SEPTIN9: variants seen among roughly 807,000 people sequenced by gnomAD.
SEPTIN9 encodes septin 9.
Under a neutral mutation model 56.6 loss-of-function variants are expected in SEPTIN9, and 13 were observed. The observed-to-expected ratio is 0.23, with a 90% CI of 0.15 to 0.37. The LOEUF is 0.37. Ranked by LOEUF, SEPTIN9 falls within the 10% of genes least tolerant of loss-of-function variation. The pLI is 1.00. For synonymous variants in SEPTIN9, 332 were observed against 334.1 expected, an observed-to-expected ratio of 0.99 and a Z score of 0.07; for missense variants, 650 against 823.1, an observed-to-expected ratio of 0.79 and a Z score of 2.57.
At chr17:77,350,341 T>A (rs564452100) in intron 2 of SEPTIN9, among the ~76,000 whole-genome samples, 18 of 152,220 alleles carry the variant, frequency 1.2e-4, no homozygotes, top group Non-Finnish European at 2.5e-4. Flanking sequence ...AAACTCACCC[T>A]TCTCTCTGTT....
intron 3 of SEPTIN9, among the ~76,000 whole-genome samples, chr17:77,426,564 C>G (rs1486985909): frequency 6.6e-6 from 1 of 152,154 alleles, no homozygotes; most frequent in African/African-American, 2.4e-5. Flanking sequence ...CCTGGCTGCT[C>G]CTGGAACATG....
rs1015058241 is a variant in SEPTIN9, at chr17:77,450,287, G to A, written c.722-31857G>A. Among the ~76,000 whole-genome samples, 2 of 152,154 alleles carry A rather than the reference G, an allele frequency of 1.3e-5. No individual in the cohort carries two copies. Among genetic ancestry groups the A allele is most frequent in the African/African-American group, 2.4e-5 (1 of 41,430 alleles). On this transcript the variant is annotated intron_variant, in intron 3 of 11. Coordinates refer to ENST00000427177, the MANE Select transcript of SEPTIN9 (RefSeq NM_001113491.2). The surrounding 1 kb of genome is among the most constrained non-coding windows in gnomAD (Gnocchi z 6.0). ...GCTTCAGTCACCCCCAGCCACGTGT[G>A]GGGGTGCGGGATGGGAAAGGTAAGA...
intron 2 of SEPTIN9, among the ~76,000 whole-genome samples, chr17:77,351,508 C>T (rs2034064606): frequency 6.6e-6 from 1 of 152,214 alleles, no homozygotes. Context: ...ACGTCTGCAG[C>T]TCTGGGCATC....
rs549947723 is a variant in SEPTIN9, at chr17:77,367,017, T to A, written c.77-35042T>A. On this transcript the variant is annotated intron_variant, in intron 2 of 11. Coordinates refer to ENST00000427177, the MANE Select transcript of SEPTIN9 (RefSeq NM_001113491.2). The surrounding 1 kb of genome is among the most constrained non-coding windows in gnomAD (Gnocchi z 4.5). ...GCAGGCTGGGGGGATCACTGGGAAG[T>A]CTGGGGAACAGATTGGTCATGTGCT... 3.7e-4 allele frequency among the ~76,000 whole-genome samples: 56 copies of A among 152,300 alleles called. No individual in the cohort carries two copies. Among genetic ancestry groups the A allele is most frequent in the Admixed American group, 7.2e-4 (11 of 15,300 alleles).
At chr17:77,290,952 AC>A (rs1387354986) in intron 1 of SEPTIN9, among the ~76,000 whole-genome samples, 1 of 148,566 alleles carries the variant, frequency 6.7e-6, no homozygotes, top group Non-Finnish European at 1.5e-5. Flanking sequence ...CCCAGTCTCG[AC>A]CTCCCAGTTT....
chr17:77,305,879 G>A lies in SEPTIN9; in HGVS notation c.20-1262G>A, dbSNP rs74255243. 8.2e-4 allele frequency among the ~76,000 whole-genome samples: 110 copies of A among 134,046 alleles called. 1 individual carries two copies. The East Asian group carries it at 0.022, about 27-fold the overall frequency. 87.9% of individuals were successfully genotyped at this position (134,046 alleles called of 152,430 possible). A position where few individuals can be genotyped will look rare whatever the true frequency, so the allele number is the denominator to read the frequency against. On this transcript the variant is annotated intron_variant, in intron 1 of 11. Transcript: ENST00000427177. ...AGTTTAGGAGTGGGGTTGTGGAATG[G>A]ATGGAAGGAAGGATGAGTGGGTGGG... is the stretch of plus-strand genomic sequence containing the variant.
At chr17:77,355,270 T>A (rs1423009557) in intron 2 of SEPTIN9, among the ~76,000 whole-genome samples, 1 of 152,142 alleles carries the variant, frequency 6.6e-6, no homozygotes, top group Non-Finnish European at 1.5e-5. Flanking sequence ...CCTTGAATGG[T>A]GTCTGCGCCG....
chr17:77,290,185 A>G (rs1051243465), intron 1 of SEPTIN9, among the ~76,000 whole-genome samples: 3 of 151,880 alleles, frequency 2.0e-5, no homozygotes, highest in Non-Finnish European at 2.9e-5. Flanking sequence ...TACAGTAGCC[A>G]TGCTTATAGC....
intron 2 of SEPTIN9, among the ~76,000 whole-genome samples, chr17:77,331,828 G>T (rs891687089): frequency 6.6e-6 from 1 of 152,242 alleles, no homozygotes; most frequent in Non-Finnish European, 1.5e-5. Flanking sequence ...TGTCCTAACT[G>T]GGCGGGGAAA....
chr17:77,297,430 G>A (rs568529387), intron 1 of SEPTIN9, among the ~76,000 whole-genome samples: 77 of 152,120 alleles, frequency 5.1e-4, no homozygotes, highest in Non-Finnish European at 9.6e-4. Flanking sequence ...CAACTCACAT[G>A]CCCATCTCCT....
In SEPTIN9 at chr17:77,307,123, C is replaced by T; in HGVS notation, c.20-18C>T. 6.2e-7 allele frequency: 1 copy of T among 1,613,694 alleles called. No homozygotes were observed. The highest frequency in any genetic ancestry group is 8.5e-7 in the Non-Finnish European group (1 of 1,179,634). The stretch of plus-strand genomic sequence containing the variant: ...CCAGTGGCCTTGTGTGACCTTTGCC[C>T]TTTGTCTCTGTCTTTAGGAGGCACG... On this transcript the variant is annotated intron_variant, in intron 1 of 11. Coordinates refer to ENST00000427177, the MANE Select transcript of SEPTIN9 (RefSeq NM_001113491.2).
chr17:77,383,844 C>G (rs72896155), intron 2 of SEPTIN9, among the ~76,000 whole-genome samples: 2,866 of 152,356 alleles, frequency 0.019, 41 homozygotes, highest in Middle Eastern at 0.044. Flanking sequence ...CTTGCCCACA[C>G]GGCAATGTGG....
chr17:77,378,822 C>A (rs933969203), intron 2 of SEPTIN9, among the ~76,000 whole-genome samples: 1 of 152,116 alleles, frequency 6.6e-6, no homozygotes, highest in African/African-American at 2.4e-5. Context: ...TTGTCCTGGT[C>A]TTCCCTGCCA....
At chr17:77,472,064 T>C (rs182592) in intron 3 of SEPTIN9, among the ~76,000 whole-genome samples, 19,779 of 151,924 alleles carry the variant, frequency 0.13, 3,345 homozygotes, top group African/African-American at 0.39. Flanking sequence ...AAGTGAATGG[T>C]GATGGTTTGC....
rs1002491571 is a variant in SEPTIN9, at chr17:77,326,477, C to G, written c.76+19280C>G. Among the ~76,000 whole-genome samples the G allele has an allele frequency of 3.3e-5, 5 of 152,188 alleles. No homozygotes were observed. Among genetic ancestry groups the G allele is most frequent in the Non-Finnish European group, 5.9e-5 (4 of 68,030 alleles). On this transcript the variant is annotated intron_variant, in intron 2 of 11. Coordinates refer to ENST00000427177, the MANE Select transcript of SEPTIN9 (RefSeq NM_001113491.2). The surrounding 1 kb of genome is among the most constrained non-coding windows in gnomAD (Gnocchi z 5.1). ...AGAAGGATGAGGGGAGTAAACCAGG[C>G]TCAAACCCAGCAGGCAGAGGCGATC...
At chr17:77,358,488 G>A (rs2034322150) in intron 2 of SEPTIN9, among the ~76,000 whole-genome samples, 1 of 151,968 alleles carries the variant, frequency 6.6e-6, no homozygotes, top group South Asian at 2.1e-4. Flanking sequence ...AGACATGGTG[G>A]CGTGCACCTG....
intron 3 of SEPTIN9, among the ~76,000 whole-genome samples, chr17:77,448,130 T>C (rs549094493): frequency 6.6e-6 from 1 of 152,118 alleles, no homozygotes; most frequent in Non-Finnish European, 1.5e-5. Flanking sequence ...CATAATATGG[T>C]CCAAATCAAC....
intron 2 of SEPTIN9, among the ~76,000 whole-genome samples, chr17:77,395,004 G>A (rs1368863225): frequency 6.6e-6 from 1 of 152,132 alleles, no homozygotes; most frequent in East Asian, 1.9e-4. Flanking sequence ...AGGTGGGGAT[G>A]GGGATGGGCC....
Position 77,363,834 on chromosome 17 carries a change from C to T in SEPTIN9, c.77-38225C>T, listed in dbSNP as rs539581217. 2.0e-5 allele frequency among the ~76,000 whole-genome samples: 3 copies of T among 152,284 alleles called. No individual in the cohort carries two copies. In the East Asian group the frequency reaches 5.8e-4, roughly 29 times the overall value. ...GAGCAGCCTTAGGAGTCCCCAGTTA[C>T]AGACACTCCAGGGGGTCCGTGTGGC... On this transcript the variant is annotated intron_variant, in intron 2 of 11. Coordinates refer to ENST00000427177, the MANE Select transcript of SEPTIN9 (RefSeq NM_001113491.2).
Sources: gnomAD v4.1 joint callset for allele counts (sites outside exome capture counted in the v4.1 genomes callset) on GRCh38, gnomAD v4.1.1 for gene constraint, Gnocchi (gnomAD v3.1) non-coding constraint, MANE v1.5 for transcripts, NCBI Gene and HGNC (gene_info 2026-07-23, HGNC 2026-07-21) for gene names.